Variants in CEP85L observed in about 807,000 individuals in gnomAD.
CEP85L encodes the protein centrosomal protein 85L, also known as centrosomal protein of 85 kDa-like.
CEP85L carries 60 observed loss-of-function variants against 100.3 expected under a neutral mutation model. The observed-to-expected ratio is 0.60, with a 90% CI of 0.49 to 0.74. The LOEUF is 0.74. Among genes scored for constraint, CEP85L ranks in the 30% least tolerant of loss-of-function variants. CEP85L has a pLI of 0.00. For missense variants in CEP85L, 973 were observed against 936.2 expected, an observed-to-expected ratio of 1.04 and a Z score of -0.51; for synonymous variants, 319 against 322.7, an observed-to-expected ratio of 0.99 and a Z score of 0.12.
chr6:118,527,707 A>G (rs891112852), intron 3 of CEP85L, among the ~76,000 whole-genome samples: 1 of 152,318 alleles, frequency 6.6e-6, no homozygotes, highest in Admixed American at 6.5e-5. Flanking sequence ...AACTCAAAGT[A>G]GGATTTGGAA....
At chr6:118,579,399 C>A (rs1780436966) in intron 2 of CEP85L, among the ~76,000 whole-genome samples, 3 of 151,120 alleles carry the variant, frequency 2.0e-5, no homozygotes, top group Admixed American at 2.0e-4. Flanking sequence ...TTACATTTAC[C>A]AAAAAAAATT....
At chr6:118,649,977 T>A (rs1288821756) in intron 1 of CEP85L, among the ~76,000 whole-genome samples, 1 of 152,216 alleles carries the variant, frequency 6.6e-6, no homozygotes, top group African/African-American at 2.4e-5. Context: ...GAAATTTCAA[T>A]AGCCTGATAC....
At chr6:118,470,327 C>T (rs187000910) in intron 11 of CEP85L, among the ~76,000 whole-genome samples, 146 of 151,944 alleles carry the variant, frequency 9.6e-4, no homozygotes, top group African/African-American at 3.4e-3. Flanking sequence ...TAAATATATA[C>T]TGTACTATAA....
At chr6:118,670,658 C>T (rs1363386749) in intron 1 of CEP85L, among the ~76,000 whole-genome samples, 1 of 152,076 alleles carries the variant, frequency 6.6e-6, no homozygotes, top group Non-Finnish European at 1.5e-5. Context: ...GTTAAACTGA[C>T]CAAAACCTTG....
Position 118,612,676 on chromosome 6 carries a change from CGGGGGGGGGG to C in CEP85L, c.232+19767_232+19776del, listed in dbSNP as rs55782430. Among the ~76,000 whole-genome samples, 2 of 77,460 alleles carry C rather than the reference CGGGGGGGGGG, an allele frequency of 2.6e-5. 1 individual carries two copies. The highest frequency in any genetic ancestry group is 1.8e-3 in the East Asian group (2 of 1,140). The allele number at this position is 77,460 out of a possible 152,430, so 50.8% of individuals were successfully genotyped here. ...ACTCTGTCTCAAAAAAAAAAAAAAG[CGGGGGGGGGG>C]GGGGGGGACTCTCAAATCAGTAATC... On this transcript the variant is annotated intron_variant, in intron 2 of 12. Coordinates refer to ENST00000368491, the MANE Select transcript of CEP85L (RefSeq NM_001042475.3).
chr6:118,480,573 T>C, intron 8 of CEP85L, 60 bp from the exon 9 acceptor site: 1 of 1,052,024 alleles, frequency 9.5e-7, no homozygotes. Context: ...TTGGTAATGA[T>C]TTCAACATAA....
At chr6:118,698,382 C>G (rs1367029034) in intron 1 of CEP85L, among the ~76,000 whole-genome samples, 7 of 152,184 alleles carry the variant, frequency 4.6e-5, no homozygotes, top group Non-Finnish European at 1.0e-4. Flanking sequence ...ATGTTATCTT[C>G]AGCATATCCC....
intron 4 of CEP85L, among the ~76,000 whole-genome samples, chr6:118,516,825 C>T (rs1311857067): frequency 6.6e-6 from 1 of 152,146 alleles, no homozygotes; most frequent in Non-Finnish European, 1.5e-5. Flanking sequence ...TTTGCCCATG[C>T]CTATGTCCTG....
chr6:118,651,945 C>G (rs1055001621), upstream of CEP85L: 1 of 985,016 alleles, frequency 1.0e-6, no homozygotes, highest in Non-Finnish European at 1.2e-6. Flanking sequence ...GTCACAACCG[C>G]TCGAGATGAA....
At chr6:118,489,711 A>G (rs1424238670) in intron 6 of CEP85L, among the ~76,000 whole-genome samples, 2 of 152,176 alleles carry the variant, frequency 1.3e-5, no homozygotes, top group African/African-American at 4.8e-5. Flanking sequence ...AGAATGATAC[A>G]GCTGCTATGG....
chr6:118,579,689 T>C (rs1245930749), intron 2 of CEP85L, among the ~76,000 whole-genome samples: 1 of 152,200 alleles, frequency 6.6e-6, no homozygotes, highest in Non-Finnish European at 1.5e-5. Context: ...TTTGGAGAGA[T>C]ATGGAGTCAA....
At chr6:118,521,039 A>T (rs1776637508) in intron 4 of CEP85L, among the ~76,000 whole-genome samples, 1 of 152,182 alleles carries the variant, frequency 6.6e-6, no homozygotes. Flanking sequence ...ATTTTTTCTC[A>T]TGTAATTTTG....
intron 1 of CEP85L, among the ~76,000 whole-genome samples, chr6:118,633,012 CATG>C (rs1774263825): frequency 6.6e-6 from 1 of 152,066 alleles, no homozygotes; most frequent in African/African-American, 2.4e-5. Flanking sequence ...AATAATAATG[CATG>C]ATAATATAAA....
intron 5 of CEP85L, among the ~76,000 whole-genome samples, chr6:118,507,825 T>C (rs915826319): frequency 2.6e-5 from 4 of 152,172 alleles, no homozygotes; most frequent in Admixed American, 6.5e-5. Context: ...GCCAGGCTTT[T>C]GGAAGATTAG....
At chr6:118,632,337 A>G (rs1057109140) in intron 2 of CEP85L, 116 bp downstream of exon 2, 11 of 836,586 alleles carry the variant, frequency 1.3e-5, no homozygotes, top group African/African-American at 7.0e-5. Flanking sequence ...GAACATTATT[A>G]AATATTCAAA....
intron 3 of CEP85L, chr6:118,558,842 A>G: frequency 1.1e-6 from 1 of 927,198 alleles, no homozygotes; most frequent in Non-Finnish European, 1.8e-6. Flanking sequence ...AAAAGAAGAC[A>G]GTTATCTCAT....
intron 5 of CEP85L, among the ~76,000 whole-genome samples, chr6:118,505,528 A>C (rs966615261): frequency 6.6e-6 from 1 of 151,870 alleles, no homozygotes; most frequent in Admixed American, 6.6e-5. Flanking sequence ...TATACCCAGA[A>C]AGCGGAACAT....
intron 2 of CEP85L, among the ~76,000 whole-genome samples, chr6:118,579,364 A>C (rs1325098691): frequency 6.6e-6 from 1 of 151,444 alleles, no homozygotes; most frequent in Non-Finnish European, 1.5e-5. Flanking sequence ...GAAGCTGGTC[A>C]GAAAAAAAAA....
intron 2 of CEP85L, among the ~76,000 whole-genome samples, chr6:118,596,894 G>C (rs1242269297): frequency 6.6e-6 from 1 of 152,020 alleles, no homozygotes; most frequent in Non-Finnish European, 1.5e-5. Context: ...GTTTGGCTGT[G>C]TCCCCACCCA....
Sources: allele counts gnomAD v4.1 joint callset (sites outside exome capture counted in the v4.1 genomes callset), GRCh38; gene constraint gnomAD v4.1.1; transcripts MANE v1.5; gene names NCBI Gene and HGNC (gene_info 2026-07-23, HGNC 2026-07-21).